Variants in TSPAN16 observed in about 807,000 individuals in gnomAD.
The protein encoded by TSPAN16 is tetraspanin 16.
Under a neutral mutation model 25.2 loss-of-function variants are expected in TSPAN16, and 23 were observed. That is an observed-to-expected ratio of 0.91 (90% CI 0.66 to 1.29). TSPAN16 has a LOEUF of 1.29. Among genes scored for constraint, TSPAN16 ranks in the 50% most tolerant of loss-of-function variants. The pLI is 0.00. For missense variants in TSPAN16, 272 were observed against 299.9 expected (o/e 0.91, Z 0.69); for synonymous variants, 123 against 124.4 (o/e 0.99, Z 0.08).
chr19:11,313,735 G>A (rs145942504), intron 6 of TSPAN16, among the ~76,000 whole-genome samples: 62 of 152,198 alleles, frequency 4.1e-4, no homozygotes, highest in African/African-American at 1.4e-3. Context: ...AACAAGTGTT[G>A]CCAAGGATGT....
At chr19:11,317,582 C>T (rs1041300738), downstream of TSPAN16, among the ~76,000 whole-genome samples, 3 of 151,846 alleles carry the variant, frequency 2.0e-5, no homozygotes, top group African/African-American at 7.3e-5. Context: ...GCAACCTCAG[C>T]CTTCCGGGTT....
downstream of TSPAN16, among the ~76,000 whole-genome samples, chr19:11,318,487 C>T (rs2080760472): frequency 6.6e-6 from 1 of 151,572 alleles, no homozygotes; most frequent in Admixed American, 6.6e-5. Context: ...TTTAATTGAA[C>T]TGGGCTGTGA....
chr19:11,296,764 G>T (rs393423), intron 1 of TSPAN16, among the ~76,000 whole-genome samples: 64,038 of 152,170 alleles, frequency 0.42, 15,783 homozygotes, highest in African/African-American at 0.69. Context: ...TCAGGCCGGG[G>T]GCGCTGGCTC....
At chr19:11,312,659 G>A (rs369229528) in intron 6 of TSPAN16, among the ~76,000 whole-genome samples, 2 of 152,120 alleles carry the variant, frequency 1.3e-5, no homozygotes, top group African/African-American at 4.8e-5. Context: ...CAGCTACTTG[G>A]GGGGCTGAGG....
Position 11,296,457 on chromosome 19 carries a change from G to A in TSPAN16, c.69+91G>A. 3.6e-6 allele frequency: 5 copies of A among 1,373,518 alleles called. No individual in the cohort carries two copies. The South Asian group carries it at 4.8e-5, about 13-fold the overall frequency. 85.1% of individuals were successfully genotyped at this position (1,373,518 alleles called of 1,614,324 possible). A position where few individuals can be genotyped will look rare whatever the true frequency, so the allele number is the denominator to read the frequency against. ...AGACAGAAATAAGTTGATCCAAATTGGCATCGAGATCTGTGGTTCCCTGGA... is the reference window on the plus strand; with the variant it reads ...AGACAGAAATAAGTTGATCCAAATTAGCATCGAGATCTGTGGTTCCCTGGA... On this transcript the variant is annotated intron_variant, in intron 1 of 6. Transcript: ENST00000590327.
At position 11,325,674 on chromosome 19, in the gene TSPAN16, A is replaced by C. The variant is rs1599355603; in HGVS notation, c.688-1120A>C. On this transcript the variant is annotated intron_variant, in intron 6 of 6. Coordinates refer to the TSPAN16 transcript ENST00000316737. ...TCACAGAAACCTGGCTTCTAAGCCTAGTTCTGCTCTTTATCCTGCTGTGGG... is the reference window on the plus strand; with the variant it reads ...TCACAGAAACCTGGCTTCTAAGCCTCGTTCTGCTCTTTATCCTGCTGTGGG... 4 of 1,273,286 alleles carry C rather than the reference A, an allele frequency of 3.1e-6. No individual in the cohort carries two copies. In the East Asian group the frequency reaches 9.4e-5, roughly 30 times the overall value. 78.9% of individuals were successfully genotyped at this position (1,273,286 alleles called of 1,614,324 possible). A position where few individuals can be genotyped will look rare whatever the true frequency, so the allele number is the denominator to read the frequency against.
chr19:11,302,668 T>TACACAC (rs1419448969), intron 4 of TSPAN16, among the ~76,000 whole-genome samples: 1 of 72,984 alleles, frequency 1.4e-5, no homozygotes, highest in African/African-American at 7.4e-5. Context: ...TACATATATA[T>TACACAC]ATATATATAT....
chr19:11,302,094 G>C (rs146401362), intron 4 of TSPAN16, among the ~76,000 whole-genome samples: 2,198 of 152,192 alleles, frequency 0.014, 38 homozygotes, highest in African/African-American at 0.049. Context: ...AAAGTTCTGG[G>C]ATTATAGGCG....
At chr19:11,317,602 C>T (rs1192082730), downstream of TSPAN16, among the ~76,000 whole-genome samples, 6 of 151,952 alleles carry the variant, frequency 3.9e-5, no homozygotes, top group African/African-American at 1.5e-4. Flanking sequence ...TCAAGTGACT[C>T]TCCTGCCTCA....
chr19:11,319,989 G>C (rs566194910), downstream of TSPAN16, among the ~76,000 whole-genome samples: 4 of 151,014 alleles, frequency 2.6e-5, no homozygotes, highest in African/African-American at 9.7e-5. Context: ...TAATTTTTTT[G>C]TTGTATTTTC....
chr19:11,304,343 A>G (rs1035901563), intron 4 of TSPAN16, among the ~76,000 whole-genome samples: 1 of 151,018 alleles, frequency 6.6e-6, no homozygotes, highest in Non-Finnish European at 1.5e-5. Context: ...GATAGGGAAC[A>G]ATTTATTTAT....
downstream of TSPAN16, among the ~76,000 whole-genome samples, chr19:11,320,254 T>C (rs1280754995): frequency 6.6e-6 from 1 of 151,676 alleles, no homozygotes; most frequent in East Asian, 1.9e-4. Context: ...CCCGAGTAGC[T>C]GGGATTACAG....
intron 4 of TSPAN16, 98 bp from the exon 5 acceptor site, chr19:11,306,506 T>A: frequency 7.1e-7 from 1 of 1,409,304 alleles, no homozygotes. Flanking sequence ...GTCTCTGGGA[T>A]ATTGTGACCA....
chr19:11,325,343 G>T, intron 6 of TSPAN16: 1 of 1,235,998 alleles, frequency 8.1e-7, no homozygotes, highest in Non-Finnish European at 1.1e-6. Flanking sequence ...CTCACGCCTC[G>T]ATCACAGTCC....
At chr19:11,318,927 G>A (rs932143304), downstream of TSPAN16, among the ~76,000 whole-genome samples, 10 of 152,186 alleles carry the variant, frequency 6.6e-5, no homozygotes, top group Admixed American at 1.3e-4. Flanking sequence ...GATTACAGGC[G>A]TAAGCCACTG....
At chr19:11,321,084 G>T (rs900162269) in intron 6 of TSPAN16, among the ~76,000 whole-genome samples, 1 of 151,570 alleles carries the variant, frequency 6.6e-6, no homozygotes, top group African/African-American at 2.4e-5. Flanking sequence ...CAGGAGAATT[G>T]CTTGAACCTG....
chr19:11,298,000 TG>T, intron 1 of TSPAN16, 141 bp from the exon 2 acceptor site: 1 of 764,516 alleles, frequency 1.3e-6, no homozygotes, highest in Non-Finnish European at 2.2e-6. Flanking sequence ...CTTACCAAGC[TG>T]GTCTTGAACT....
chr19:11,304,227 G>T (rs1375094143), intron 4 of TSPAN16, among the ~76,000 whole-genome samples: 1 of 151,554 alleles, frequency 6.6e-6, no homozygotes, highest in South Asian at 2.1e-4. Context: ...GGCAGGGAGG[G>T]TTCAAAGTGG....
chr19:11,305,996 G>A (rs935818559), intron 4 of TSPAN16, among the ~76,000 whole-genome samples: 2 of 151,612 alleles, frequency 1.3e-5, no homozygotes, highest in African/African-American at 2.4e-5. Context: ...GGCCGGGCAC[G>A]GTGGCTCACG....
Sources: gnomAD v4.1 joint callset for allele counts (sites outside exome capture counted in the v4.1 genomes callset) on GRCh38, gnomAD v4.1.1 for gene constraint, MANE v1.5 for transcripts, NCBI Gene and HGNC (gene_info 2026-07-23, HGNC 2026-07-21) for gene names.